BIRC3: variants seen among roughly 807,000 people sequenced by gnomAD.
BIRC3 encodes baculoviral IAP repeat containing 3.
In BIRC3, 26 loss-of-function variants were observed where a neutral mutation model predicts 59.0. The observed-to-expected ratio is 0.44, with a 90% confidence interval of 0.32 to 0.61. BIRC3 has a LOEUF of 0.61. BIRC3 is among the 20% of genes least tolerant of loss of function. BIRC3 has a pLI of 0.04. For synonymous variants in BIRC3, 243 were observed against 249.2 expected (o/e 0.98, Z 0.24); for missense variants, 641 against 711.5 (o/e 0.90, Z 1.13).
chr11:102,334,830 G>T (rs1004868086), intron 6 of BIRC3, among the ~76,000 whole-genome samples: 1 of 152,096 alleles, frequency 6.6e-6, no homozygotes, highest in Non-Finnish European at 1.5e-5. Flanking sequence ...GACAAATAGG[G>T]TTTATTATTC....
At chr11:102,328,857 T>TA in intron 4 of BIRC3, 40 bp from the exon 5 acceptor site, 1 of 664,336 alleles carries the variant, frequency 1.5e-6, no homozygotes, top group Non-Finnish European at 1.9e-6. Context: ...TCTATTTTAA[T>TA]TTATATATAT....
intron 1 of BIRC3, among the ~76,000 whole-genome samples, chr11:102,319,191 A>G (rs1430118499): frequency 2.6e-5 from 4 of 151,278 alleles, no homozygotes; most frequent in Non-Finnish European, 5.9e-5. Context: ...CTACAGGTGC[A>G]TGCCACCACA....
intron 1 of BIRC3, among the ~76,000 whole-genome samples, 178 bp from the exon 2 acceptor site, chr11:102,321,659 C>G (rs1260828053): frequency 6.6e-6 from 1 of 152,148 alleles, no homozygotes; most frequent in Non-Finnish European, 1.5e-5. Context: ...CAGGCAGAGG[C>G]CTCTGTTTTT....
chr11:102,329,042 T>G, intron 5 of BIRC3, 97 bp downstream of exon 5: 1 of 691,850 alleles, frequency 1.4e-6, no homozygotes, highest in Middle Eastern at 3.7e-4. Context: ...TATATTGATT[T>G]ATAATTTACG....
chr11:102,331,181 A>G lies in BIRC3; in HGVS notation c.1264A>G (p.Asn422Asp), dbSNP rs1295816034. The G allele has an allele frequency of 6.2e-7, 1 of 1,613,656 alleles. No homozygotes were observed. The highest frequency in any genetic ancestry group is 2.2e-5 in the East Asian group (1 of 44,784). The change falls in exon 6 of 9, where the codon AAT becomes GAT. Residue 422 changes from asparagine (N) to aspartate (D), a missense_variant. Physicochemically the swap from Asn to Asp is conservative, Grantham distance 23. Around this residue, in one of 4 missense-constraint regions of BIRC3, gnomAD observed 268 missense variants for 255.7 expected, o/e 1.05. Transcript: ENST00000263464. ...CAATGATCTTGTGTTAGACTTACTCAATGCAGAAGATGAAATAAGGGAAGA... is the reference window on the plus strand; with the variant it reads ...CAATGATCTTGTGTTAGACTTACTCGATGCAGAAGATGAAATAAGGGAAGA... ...LVNDLVLDLL[N>D]AEDEIREEER... is the part of the protein sequence containing the mutation.
chr11:102,327,576 G>T (rs1951096463), intron 3 of BIRC3, among the ~76,000 whole-genome samples: 1 of 152,036 alleles, frequency 6.6e-6, no homozygotes, highest in Admixed American at 6.5e-5. Flanking sequence ...GGAGGCAGAG[G>T]TTACAGTGAA....
At position 102,339,191 on chromosome 11, in the gene BIRC3, C is replaced by T. The variant is rs1951230390; in HGVS notation, c.*2089C>T. 1 of 186,842 alleles carries T rather than the reference C, an allele frequency of 5.4e-6. No individual in the cohort carries two copies. Among genetic ancestry groups the T allele is most frequent in the Admixed American group, 6.8e-5 (1 of 14,722 alleles). The allele number at this position is 186,842 out of a possible 1,614,324, so 11.6% of individuals were successfully genotyped here. On this transcript the variant is annotated 3_prime_UTR_variant, in exon 9 of 9. Coordinates refer to ENST00000263464, the MANE Select transcript of BIRC3 (RefSeq NM_001165.5). ...AGGTATAGGGTATTTAAATAGTAGG[C>T]ACCCTTTTTGCACCATGTGTTTTTT...
In BIRC3 at chr11:102,325,375, A is replaced by G. The variant is rs1467904887; in HGVS notation, c.853+13A>G. 6.3e-7 allele frequency: 1 copy of G among 1,588,870 alleles called. No individual in the cohort carries two copies. The highest frequency in any genetic ancestry group is 8.5e-7 in the Non-Finnish European group (1 of 1,169,746). On this transcript the variant is annotated intron_variant, in intron 2 of 8. Coordinates refer to ENST00000263464, the MANE Select transcript of BIRC3 (RefSeq NM_001165.5). ...TTTTATTATGTGGGTAAGAAACTGA[A>G]TCTGCTAATTAAAAAAAATATATTT...
intron 1 of BIRC3, among the ~76,000 whole-genome samples, chr11:102,318,855 T>C (rs963395908): frequency 3.3e-5 from 5 of 152,156 alleles, no homozygotes; most frequent in Non-Finnish European, 7.4e-5. Flanking sequence ...AACATTTCCA[T>C]TGGTTTTAGC....
chr11:102,328,045 A>G lies in BIRC3; in HGVS notation c.954-7A>G, dbSNP rs1591522050. 1.3e-6 allele frequency: 2 copies of G among 1,592,484 alleles called. No homozygotes were observed. Among genetic ancestry groups the G allele is most frequent in the Non-Finnish European group, 1.7e-6 (2 of 1,171,188 alleles). ...ATCCCTCAAATTTTATTTTCTTTAC[A>G]TTTTAGGTGTGAGTACTTGATAAGA... On this transcript the variant is annotated splice_region_variant and splice_polypyrimidine_tract_variant and intron_variant, in intron 3 of 8. Transcript: ENST00000263464.
At chr11:102,332,050 C>G (rs903169023) in intron 6 of BIRC3, among the ~76,000 whole-genome samples, 1 of 152,198 alleles carries the variant, frequency 6.6e-6, no homozygotes, top group Non-Finnish European at 1.5e-5. Flanking sequence ...AGAACTGAGT[C>G]TTCCAGAGCA....
At chr11:102,328,782 T>C in intron 4 of BIRC3, 115 bp from the exon 5 acceptor site, 1 of 337,558 alleles carries the variant, frequency 3.0e-6, no homozygotes, top group Non-Finnish European at 4.8e-6. Flanking sequence ...AAGCAAGTGG[T>C]TTGCAACAAG....
intron 3 of BIRC3, among the ~76,000 whole-genome samples, chr11:102,327,188 G>A (rs942345691): frequency 6.6e-6 from 1 of 152,054 alleles, no homozygotes; most frequent in Non-Finnish European, 1.5e-5. Context: ...ATAGTAAATT[G>A]ATTATATGTA....
At chr11:102,319,171 G>A (rs1373527508) in intron 1 of BIRC3, among the ~76,000 whole-genome samples, 1 of 151,458 alleles carries the variant, frequency 6.6e-6, no homozygotes, top group Non-Finnish European at 1.5e-5. Flanking sequence ...AGCCTCCTGA[G>A]CAGCTGGGAC....
Position 102,324,428 on chromosome 11 carries a change from T to C in BIRC3, c.-82T>C. On this transcript the variant is annotated 5_prime_UTR_variant, in exon 2 of 9. Transcript: ENST00000263464. ...TCATTTTGGCTTTTCAGCCTAGTATTAAAACTGATAAAAGCAAAGCCATGC... is the reference window on the plus strand; with the variant it reads ...TCATTTTGGCTTTTCAGCCTAGTATCAAAACTGATAAAAGCAAAGCCATGC... 6.7e-6 allele frequency: 10 copies of C among 1,484,552 alleles called. No individual in the cohort carries two copies. The highest frequency in any genetic ancestry group is 8.1e-6 in the Non-Finnish European group (9 of 1,112,298). The allele number at this position is 1,484,552 out of a possible 1,614,324, so 92.0% of individuals were successfully genotyped here.
At chr11:102,318,292 T>G (rs1369856832) in intron 1 of BIRC3, among the ~76,000 whole-genome samples, 1 of 152,206 alleles carries the variant, frequency 6.6e-6, no homozygotes, top group Non-Finnish European at 1.5e-5. Flanking sequence ...GATTTACTTG[T>G]GCAAGGTCAT....
rs1280509895 is a variant in BIRC3, at chr11:102,325,313, T to C, written c.804T>C (p.Ser268=). ...AAACATTCTTTAACTGGCCCTCTAG[T>C]GTTCTAGTTAATCCTGAGCAGCTTG... ...RFKTFFNWPS[S]VLVNPEQLAS... is the part of the protein sequence containing the mutation. Residue 268 remains serine (S), a synonymous_variant, in exon 2 of 9, where the codon AGT becomes AGC. Transcript: ENST00000263464. The C allele has an allele frequency of 1.9e-6, 3 of 1,613,524 alleles. No individual in the cohort carries two copies. The highest frequency in any genetic ancestry group is 1.3e-5 in the African/African-American group (1 of 74,990).
chr11:102,327,045 C>T (rs974884413), intron 3 of BIRC3, among the ~76,000 whole-genome samples: 8 of 152,130 alleles, frequency 5.3e-5, no homozygotes, highest in Non-Finnish European at 1.2e-4. Flanking sequence ...TCTTACTTGA[C>T]CTCAGTAGAC....
rs548497926 is a variant in BIRC3, at chr11:102,319,236, C to T, written c.-2674+1665C>T. On this transcript the variant is annotated intron_variant, in intron 1 of 8. Coordinates refer to ENST00000263464, the MANE Select transcript of BIRC3 (RefSeq NM_001165.5). Reference sequence around the variant, plus strand: ...TTTTTTGTATTTTTTTTAGTAGAGACGGGGTTTCACCGTGTTAGCCAGGAT... The same window carrying T: ...TTTTTTGTATTTTTTTTAGTAGAGATGGGGTTTCACCGTGTTAGCCAGGAT... Among the ~76,000 whole-genome samples, 12 of 151,408 alleles carry T rather than the reference C, an allele frequency of 7.9e-5. 1 individual carries two copies. In the South Asian group the frequency reaches 1.9e-3, roughly 24 times the overall value.
Sources: gnomAD v4.1 joint callset for allele counts (sites outside exome capture counted in the v4.1 genomes callset) on GRCh38, gnomAD v4.1.1 for gene constraint, gnomAD v4.1.1 regional missense constraint, MANE v1.5 for transcripts, NCBI Gene and HGNC (gene_info 2026-07-23, HGNC 2026-07-21) for gene names.